Variants in MYO5B observed in about 807,000 individuals in gnomAD.
The protein encoded by MYO5B is unconventional myosin-Vb.
MYO5B carries 143 observed loss-of-function variants against 229.3 expected under a neutral mutation model. The observed-to-expected ratio is 0.62, with a 90% CI of 0.54 to 0.72. The LOEUF (loss-of-function observed/expected upper bound fraction) is 0.72. Ranked by LOEUF, MYO5B falls within the 30% of genes least tolerant of loss-of-function variation. The pLI is 0.00. For synonymous variants in MYO5B, 918 were observed against 885.2 expected (o/e 1.04, Z -0.66); for missense variants, 2,321 against 2,331.0 (o/e 1.00, Z 0.09).
Position 49,895,125 on chromosome 18 carries a change from G to T in MYO5B, c.2861C>A (p.Thr954Lys). The change falls in exon 22 of 40, where the codon ACA (threonine) becomes AAA (lysine). Residue 954 changes from threonine (T) to lysine (K), a missense_variant. Thr to Lys is a moderately conservative substitution (Grantham distance 78, BLOSUM62 -1). Around this residue, in one of 2 missense-constraint regions of MYO5B, gnomAD observed 2,113 missense variants for 2,044.7 expected, o/e 1.03. Coordinates refer to ENST00000285039, the MANE Select transcript of MYO5B (RefSeq NM_001080467.3). ...CAGCCGCTCTACCTCCATGGTGTATGTTGAGGTGGTCACGGACAACTGCTC... is the reference window on the plus strand; with the variant it reads ...CAGCCGCTCTACCTCCATGGTGTATTTTGAGGTGGTCACGGACAACTGCTC... ...LSEQLSVTTS[T>K]YTMEVERLKK... The T allele has an allele frequency of 6.2e-7, 1 of 1,613,990 alleles. No individual in the cohort carries two copies. Among genetic ancestry groups the T allele is most frequent in the Non-Finnish European group, 8.5e-7 (1 of 1,180,004 alleles).
intron 1 of MYO5B, among the ~76,000 whole-genome samples, chr18:50,128,298 A>G (rs566274607): frequency 1.3e-5 from 2 of 152,218 alleles, no homozygotes; most frequent in Admixed American, 6.5e-5. Context: ...GGCCATGAGA[A>G]AATGGCTTTG....
intron 35 of MYO5B, chr18:49,840,637 A>C (rs2144036945): frequency 6.6e-6 from 1 of 152,660 alleles, no homozygotes; most frequent in South Asian, 2.1e-4. Flanking sequence ...GTGAGCGGGC[A>C]TATCTGGAAC....
At chr18:50,016,807 C>T (rs181055365) in intron 4 of MYO5B, among the ~76,000 whole-genome samples, 159 of 152,150 alleles carry the variant, frequency 1.0e-3, no homozygotes, top group African/African-American at 3.7e-3. Flanking sequence ...CATTGCCTAC[C>T]AATCCCCAGA....
At chr18:49,851,830 C>T (rs569210576) in intron 31 of MYO5B, among the ~76,000 whole-genome samples, 5 of 152,198 alleles carry the variant, frequency 3.3e-5, no homozygotes, top group Admixed American at 6.5e-5. Flanking sequence ...AGCTGGCACA[C>T]GGTAGGCAGG....
chr18:49,906,494 T>C lies in MYO5B; in HGVS notation c.2339A>G (p.Gln780Arg). The C allele has an allele frequency of 6.2e-7, 1 of 1,614,218 alleles. No homozygotes were observed. The highest frequency in any genetic ancestry group is 8.5e-7 in the Non-Finnish European group (1 of 1,180,040). The change falls in exon 19 of 40, where the codon CAG (glutamine) becomes CGG (arginine). Residue 780 changes from glutamine (Q) to arginine (R), a missense_variant. Gln to Arg is a conservative substitution (Grantham distance 43, BLOSUM62 1). Around this residue, in one of 2 missense-constraint regions of MYO5B, gnomAD observed 2,113 missense variants for 2,044.7 expected, o/e 1.03. Transcript: ENST00000285039. ...CTTCAGCCTGTGATATTTCACCTTC[T>C]GCAGCCATCCCCGGACAGTTTTCTG... ...MIQKTVRGWLQKVKYHRLKGA... is the reference protein window; with the variant it reads ...MIQKTVRGWLRKVKYHRLKGA...
chr18:49,997,874 C>A (rs1193620321), intron 5 of MYO5B, among the ~76,000 whole-genome samples: 1 of 152,148 alleles, frequency 6.6e-6, no homozygotes, highest in African/African-American at 2.4e-5. Flanking sequence ...GTGACCATAA[C>A]CGATTGCTTT....
chr18:50,093,779 GAAAAAA>G (rs2031497039), intron 1 of MYO5B, among the ~76,000 whole-genome samples: 1 of 150,894 alleles, frequency 6.6e-6, no homozygotes, highest in African/African-American at 2.4e-5. Context: ...AAAAAAAAAA[GAAAAAA>G]GAAAAAGAAA....
At chr18:50,013,456 T>C (rs1273483405) in intron 4 of MYO5B, among the ~76,000 whole-genome samples, 2 of 152,200 alleles carry the variant, frequency 1.3e-5, no homozygotes, top group Non-Finnish European at 2.9e-5. Context: ...AAAACGACAC[T>C]TATGTCAAGC....
chr18:50,051,417 G>A (rs2030389035), intron 2 of MYO5B, among the ~76,000 whole-genome samples: 2 of 152,152 alleles, frequency 1.3e-5, no homozygotes, highest in Non-Finnish European at 2.9e-5. Context: ...AACTCAGTTG[G>A]AAAATGAAAT....
At position 49,930,492 on chromosome 18, in the gene MYO5B, C is replaced by T. The variant is rs867777280; in HGVS notation, c.2004-894G>A. 4.6e-5 allele frequency among the ~76,000 whole-genome samples: 7 copies of T among 152,230 alleles called. No homozygotes were observed. The Middle Eastern group carries it at 0.014, about 296-fold the overall frequency. On this transcript the variant is annotated intron_variant, in intron 16 of 39. Coordinates refer to ENST00000285039, the MANE Select transcript of MYO5B (RefSeq NM_001080467.3). ...GCTGTGTGAGCTTTCTGAGTATCCC[C>T]GCTTGAAGAGGAAATTTTATACAAG... is the stretch of plus-strand genomic sequence containing the variant.
intron 18 of MYO5B, among the ~76,000 whole-genome samples, chr18:49,911,247 C>T (rs1038418891): frequency 4.6e-5 from 7 of 152,146 alleles, no homozygotes; most frequent in Non-Finnish European, 7.4e-5. Context: ...GATCCTGAGC[C>T]GGCAGCTTGC....
At chr18:50,004,123 G>C (rs1382378197) in intron 4 of MYO5B, among the ~76,000 whole-genome samples, 1 of 152,198 alleles carries the variant, frequency 6.6e-6, no homozygotes, top group Non-Finnish European at 1.5e-5. Flanking sequence ...CCCTTTTCAG[G>C]AAAGAGAGCA....
intron 2 of MYO5B, among the ~76,000 whole-genome samples, chr18:50,040,877 G>A (rs2029996157): frequency 6.6e-6 from 1 of 152,184 alleles, no homozygotes; most frequent in South Asian, 2.1e-4. Context: ...TAACCAGGGA[G>A]TAGGATTACA....
chr18:49,864,123 G>A lies in MYO5B; in HGVS notation c.3843+18C>T, dbSNP rs371375299. The A allele has an allele frequency of 1.1e-5, 18 of 1,604,636 alleles. No individual in the cohort carries two copies. The highest frequency in any genetic ancestry group is 1.7e-5 in the Admixed American group (1 of 59,982). Reference sequence around the variant, plus strand: ...GGTCACCCCTCGGCAGCCCCACCGCGGGCCGCCATCTTGTTACCGCGTTCC... The same window carrying A: ...GGTCACCCCTCGGCAGCCCCACCGCAGGCCGCCATCTTGTTACCGCGTTCC... On this transcript the variant is annotated intron_variant, in intron 28 of 39. Transcript: ENST00000285039.
At chr18:50,120,652 C>G (rs949822814) in intron 1 of MYO5B, among the ~76,000 whole-genome samples, 1 of 152,174 alleles carries the variant, frequency 6.6e-6, no homozygotes, top group African/African-American at 2.4e-5. Flanking sequence ...TGCTCGACCT[C>G]AAGCAGGTCA....
chr18:49,829,114 C>A (rs946400655), intron 39 of MYO5B, among the ~76,000 whole-genome samples: 1 of 147,092 alleles, frequency 6.8e-6, no homozygotes, highest in African/African-American at 2.5e-5. Context: ...TGGGGTCTTG[C>A]TCTGTCACCC....
intron 17 of MYO5B, among the ~76,000 whole-genome samples, chr18:49,922,784 G>T (rs953792948): frequency 2.6e-5 from 4 of 151,916 alleles, no homozygotes; most frequent in African/African-American, 9.7e-5. Context: ...ATTACAAAAA[G>T]AAGTGGTACA....
chr18:50,045,397 A>T (rs143189292), intron 2 of MYO5B, among the ~76,000 whole-genome samples: 1 of 152,194 alleles, frequency 6.6e-6, no homozygotes, highest in East Asian at 1.9e-4. Context: ...TGGAGTCCTG[A>T]GAGTTTTTCT....
chr18:49,953,446 G>A, intron 13 of MYO5B, 103 bp from the exon 14 acceptor site: 1 of 989,638 alleles, frequency 1.0e-6, no homozygotes, highest in East Asian at 2.4e-5. Flanking sequence ...AGAGCTGTGA[G>A]TAGATAGGAA....
Sources: gnomAD v4.1 joint callset for allele counts (sites outside exome capture counted in the v4.1 genomes callset) on GRCh38, gnomAD v4.1.1 for gene constraint, gnomAD v4.1.1 regional missense constraint, MANE v1.5 for transcripts, NCBI Gene and HGNC (gene_info 2026-07-23, HGNC 2026-07-21) for gene names.